Variants in WDR72 observed in about 807,000 individuals in gnomAD.
WDR72 encodes the protein WD repeat domain 72, also known as WD repeat-containing protein 72.
WDR72 carries 120 observed loss-of-function variants against 124.2 expected under a neutral mutation model. The observed-to-expected ratio is 0.97, with a 90% confidence interval of 0.83 to 1.12. The LOEUF (loss-of-function observed/expected upper bound fraction) is 1.12. Among genes scored for constraint, WDR72 ranks in the 50% most tolerant of loss-of-function variants. The pLI is 0.00. For missense variants in WDR72, 1,387 were observed against 1,278.8 expected, an observed-to-expected ratio of 1.08 and a Z score of -1.29; for synonymous variants, 452 against 441.7, an observed-to-expected ratio of 1.02 and a Z score of -0.29.
At position 53,693,146 on chromosome 15, in the gene WDR72, G is replaced by A. The variant is rs75410534; in HGVS notation, c.1765+6604C>T. ...ATCTACAAAGCGGTGACCTTGAGGA[G>A]AAAACCAAGCAATATTGTTTCTGAG... On this transcript the variant is annotated intron_variant, in intron 13 of 19. Coordinates refer to ENST00000360509, the MANE Select transcript of WDR72 (RefSeq NM_182758.4). Among the ~76,000 whole-genome samples, 1,325 of 152,308 alleles carry A rather than the reference G, an allele frequency of 8.7e-3. 8 individuals carry two copies. The highest frequency in any genetic ancestry group is 0.012 in the Non-Finnish European group (813 of 68,032).
At chr15:53,748,077 C>T (rs1325880504) in intron 1 of WDR72, among the ~76,000 whole-genome samples, 1 of 151,318 alleles carries the variant, frequency 6.6e-6, no homozygotes, top group African/African-American at 2.4e-5. Context: ...CTATTGAGAA[C>T]TAAATATAGC....
chr15:53,655,366 AT>A (rs2140434397), intron 14 of WDR72, among the ~76,000 whole-genome samples: 1 of 152,256 alleles, frequency 6.6e-6, no homozygotes, highest in East Asian at 1.9e-4. Context: ...ACTGACAATC[AT>A]ATAATAAAAA....
chr15:53,668,195 T>C (rs16966442), intron 13 of WDR72, among the ~76,000 whole-genome samples: 2,140 of 152,322 alleles, frequency 0.014, 58 homozygotes, highest in African/African-American at 0.049. Context: ...CTCGGTTTTG[T>C]GTACAAGGGT....
chr15:53,666,696 A>C (rs2015791556), intron 13 of WDR72, among the ~76,000 whole-genome samples: 1 of 152,230 alleles, frequency 6.6e-6, no homozygotes, highest in Admixed American at 6.5e-5. Context: ...TAGATGTACT[A>C]TTTATATTGT....
chr15:53,576,949 G>A (rs1053314598), intron 18 of WDR72, among the ~76,000 whole-genome samples: 4 of 152,126 alleles, frequency 2.6e-5, no homozygotes, highest in African/African-American at 9.7e-5. Flanking sequence ...GTAAAGCATT[G>A]TCTAAGTCAA....
At chr15:53,649,654 A>G (rs1468485744) in intron 14 of WDR72, among the ~76,000 whole-genome samples, 1 of 152,206 alleles carries the variant, frequency 6.6e-6, no homozygotes, top group Admixed American at 6.6e-5. Flanking sequence ...AAAAAGATAT[A>G]CAAATGGTCA....
At chr15:53,560,956 CTTCTT>C (rs1288287267) in intron 18 of WDR72, among the ~76,000 whole-genome samples, 1 of 151,792 alleles carries the variant, frequency 6.6e-6, no homozygotes, top group Non-Finnish European at 1.5e-5. Flanking sequence ...CACACTCTCT[CTTCTT>C]ATCTAATTCC....
chr15:53,549,279 T>C (rs10220757), intron 18 of WDR72, among the ~76,000 whole-genome samples: 73,613 of 151,932 alleles, frequency 0.48, 19,092 homozygotes, highest in Middle Eastern at 0.61. Context: ...AATGTCAAGC[T>C]GGGCTGATAC....
intron 13 of WDR72, among the ~76,000 whole-genome samples, chr15:53,680,752 T>C (rs1267853923): frequency 6.6e-6 from 1 of 152,340 alleles, no homozygotes; most frequent in Non-Finnish European, 1.5e-5. Context: ...ATCATGTGCC[T>C]TTCAGTGGAG....
upstream of WDR72, among the ~76,000 whole-genome samples, chr15:53,762,185 C>T (rs2019073713): frequency 6.6e-6 from 1 of 152,120 alleles, no homozygotes; most frequent in Non-Finnish European, 1.5e-5. Flanking sequence ...TGGCCAGGCC[C>T]AAGTAAGATC....
intron 17 of WDR72, among the ~76,000 whole-genome samples, chr15:53,598,532 C>G (rs1482997959): frequency 1.3e-5 from 2 of 151,984 alleles, no homozygotes; most frequent in East Asian, 1.9e-4. Context: ...ACCTTCAGGT[C>G]CCAGGGACAT....
intron 14 of WDR72, among the ~76,000 whole-genome samples, chr15:53,635,553 A>G (rs2014591136): frequency 6.6e-6 from 1 of 152,164 alleles, no homozygotes; most frequent in East Asian, 1.9e-4. Flanking sequence ...GCTGCTGTTA[A>G]GTGGAAACCA....
chr15:53,629,530 T>C (rs540467871), intron 14 of WDR72, among the ~76,000 whole-genome samples: 3 of 151,874 alleles, frequency 2.0e-5, no homozygotes, highest in Admixed American at 1.3e-4. Context: ...TTTTTAGAAA[T>C]ATTAGGAAAA....
chr15:53,739,879 C>T (rs1595884110), intron 1 of WDR72, among the ~76,000 whole-genome samples: 1 of 152,166 alleles, frequency 6.6e-6, no homozygotes, highest in African/African-American at 2.4e-5. Flanking sequence ...CACTTTGGCT[C>T]TTGTCCAAGG....
At chr15:53,755,930 TC>T (rs2018891392) in intron 1 of WDR72, among the ~76,000 whole-genome samples, 1 of 152,120 alleles carries the variant, frequency 6.6e-6, no homozygotes, top group South Asian at 2.1e-4. Context: ...ACCTTCTCAC[TC>T]CCCCATTCTG....
At chr15:53,694,447 C>T (rs773708425) in intron 13 of WDR72, among the ~76,000 whole-genome samples, 4 of 152,092 alleles carry the variant, frequency 2.6e-5, no homozygotes, top group Non-Finnish European at 5.9e-5. Flanking sequence ...TGACCAGAGC[C>T]GTTAGAACTA....
chr15:53,726,856 A>G (rs2018053827), intron 2 of WDR72, among the ~76,000 whole-genome samples: 1 of 152,062 alleles, frequency 6.6e-6, no homozygotes, highest in Non-Finnish European at 1.5e-5. Context: ...GAAAAAACAA[A>G]CACCCAATTT....
At chr15:53,722,052 T>C (rs1055480386) in intron 3 of WDR72, among the ~76,000 whole-genome samples, 2 of 151,906 alleles carry the variant, frequency 1.3e-5, no homozygotes, top group African/African-American at 4.8e-5. Flanking sequence ...TTTTTATTTA[T>C]TTATTTATTT....
chr15:53,605,403 C>T (rs760046179), intron 17 of WDR72, among the ~76,000 whole-genome samples: 2 of 152,120 alleles, frequency 1.3e-5, no homozygotes, highest in African/African-American at 4.8e-5. Flanking sequence ...AGGCTTAATG[C>T]CTGAGTGATG....
Sources: allele counts gnomAD v4.1 joint callset (sites outside exome capture counted in the v4.1 genomes callset), GRCh38; gene constraint gnomAD v4.1.1; transcripts MANE v1.5; gene names NCBI Gene and HGNC (gene_info 2026-07-23, HGNC 2026-07-21).